The following CAB39L variants were observed in gnomAD, a reference collection of about 807,000 sequenced individuals.
CAB39L encodes the protein calcium-binding protein 39-like.
CAB39L carries 23 observed loss-of-function variants against 39.1 expected under a neutral mutation model. The observed-to-expected ratio is 0.59, with a 90% CI of 0.42 to 0.83. The LOEUF (loss-of-function observed/expected upper bound fraction) is 0.83, where lower values mean the gene tolerates loss of function less well. Ranked by LOEUF, CAB39L falls within the 40% of genes least tolerant of loss-of-function variation. CAB39L has a pLI of 0.00. For synonymous variants in CAB39L, 126 were observed against 137.2 expected (o/e 0.92, Z 0.57); for missense variants, 366 against 391.9 (o/e 0.93, Z 0.56).
chr13:49,417,230 A>G (rs1957100282), intron 3 of CAB39L, among the ~76,000 whole-genome samples: 1 of 152,326 alleles, frequency 6.6e-6, no homozygotes, highest in South Asian at 2.1e-4. Context: ...ATACCACAAA[A>G]TTTCATTATT....
rs376586888 is a variant in CAB39L, at chr13:49,377,130, G to A, written c.113C>T (p.Ala38Val). The change falls in exon 5 of 11, where the codon GCT becomes GTT. Residue 38 changes from alanine (A) to valine (V), a missense_variant and splice_region_variant. By Grantham distance (64) the Ala-to-Val change is moderately conservative (BLOSUM62 0). Coordinates refer to ENST00000409308, the MANE Select transcript of CAB39L (RefSeq NM_001079670.3). ...LEKQDKKTDKASEEVSKSLQA... is the reference protein window; with the variant it reads ...LEKQDKKTDKVSEEVSKSLQA... ...CAGTGATTTAGACACTTCTTCTGAAGCCTAGTGACCAAAACGTATGCTAAC... is the reference window on the plus strand; with the variant it reads ...CAGTGATTTAGACACTTCTTCTGAAACCTAGTGACCAAAACGTATGCTAAC... 6.2e-7 allele frequency: 1 copy of A among 1,612,604 alleles called. No individual in the cohort carries two copies.
chr13:49,313,910 T>C (rs1413708650), intron 10 of CAB39L, among the ~76,000 whole-genome samples: 1 of 151,938 alleles, frequency 6.6e-6, no homozygotes, highest in Non-Finnish European at 1.5e-5. Flanking sequence ...CCCTAGCAAG[T>C]GTGGGGAAGG....
At chr13:49,442,815 A>AAAAAAAAAAAAAAAAAAAAAC (rs1957561090) in intron 1 of CAB39L, among the ~76,000 whole-genome samples, 1 of 148,934 alleles carries the variant, frequency 6.7e-6, no homozygotes, top group African/African-American at 2.5e-5. Flanking sequence ...AAAAAAAAAA[A>AAAAAAAAAAAAAAAAAAAAAC]AAAACATCAA....
In CAB39L at chr13:49,321,196, T is replaced by C. The variant is rs1954328609; in HGVS notation, c.835-10203A>G. Among the ~76,000 whole-genome samples, 3 of 152,238 alleles carry C rather than the reference T, an allele frequency of 2.0e-5. 1 individual carries two copies. The South Asian group carries it at 6.2e-4, about 32-fold the overall frequency. ...AGATAACCCCTGTGAATATCTGGTG[T>C]ATGTATGTGCAGCATTTTTTTCTTG... is the stretch of plus-strand genomic sequence containing the variant. On this transcript the variant is annotated intron_variant, in intron 10 of 10. Transcript: ENST00000409308.
At chr13:49,433,512 C>T (rs916387262) in intron 2 of CAB39L, 119 bp from the exon 3 acceptor site, 4 of 369,122 alleles carry the variant, frequency 1.1e-5, no homozygotes, top group African/African-American at 2.1e-5. Context: ...TAATCAAATA[C>T]TAATACATCA....
At chr13:49,407,366 G>A (rs907666430) in intron 3 of CAB39L, among the ~76,000 whole-genome samples, 2 of 151,998 alleles carry the variant, frequency 1.3e-5, no homozygotes, top group African/African-American at 4.8e-5. Context: ...AATCCATCTT[G>A]GCATACTCGT....
chr13:49,371,266 C>A (rs527500710), intron 5 of CAB39L, among the ~76,000 whole-genome samples: 1 of 147,776 alleles, frequency 6.8e-6, no homozygotes, highest in East Asian at 2.0e-4. Context: ...TGGCTCACTG[C>A]AACCTCCTCC....
chr13:49,408,846 A>C (rs1218246511), intron 3 of CAB39L, among the ~76,000 whole-genome samples: 2 of 152,114 alleles, frequency 1.3e-5, no homozygotes, highest in Non-Finnish European at 2.9e-5. Context: ...CCCCAAAAAA[A>C]GGCAACTAAA....
intron 10 of CAB39L, among the ~76,000 whole-genome samples, chr13:49,326,705 G>A: frequency 6.6e-6 from 1 of 152,146 alleles, no homozygotes; most frequent in Non-Finnish European, 1.5e-5. Context: ...GTACGGGGCA[G>A]GCCAAGTTAC....
intron 6 of CAB39L, 104 bp from the exon 7 acceptor site, chr13:49,351,016 C>A: frequency 1.3e-6 from 1 of 778,716 alleles, no homozygotes. Context: ...TGGAAGCATA[C>A]ATACCATTTG....
chr13:49,355,769 A>T (rs1326557610), intron 6 of CAB39L, among the ~76,000 whole-genome samples: 1 of 151,818 alleles, frequency 6.6e-6, no homozygotes, highest in African/African-American at 2.4e-5. Context: ...ATATAAATAT[A>T]TATATATATT....
intron 3 of CAB39L, among the ~76,000 whole-genome samples, chr13:49,432,379 T>C (rs2138735220): frequency 6.6e-6 from 1 of 152,304 alleles, no homozygotes; most frequent in East Asian, 1.9e-4. Context: ...CAAGCGATCC[T>C]CTTGCCTCAG....
At chr13:49,373,377 T>TC (rs1955973512) in intron 5 of CAB39L, among the ~76,000 whole-genome samples, 1 of 152,222 alleles carries the variant, frequency 6.6e-6, no homozygotes, top group South Asian at 2.1e-4. Flanking sequence ...TCACTTTTTT[T>TC]CTCTGTAAGG....
intron 1 of CAB39L, among the ~76,000 whole-genome samples, chr13:49,442,787 C>CAAAAAAAAAAAAAAAAAAAAAAAAAAAA: frequency 9.6e-6 from 1 of 103,690 alleles, no homozygotes; most frequent in Non-Finnish European, 1.8e-5. Context: ...GACTCCATCT[C>CAAAAAAAAAAAAAAAAAAAAAAAAAAAA]AAAAAAAAAA....
Position 49,380,736 on chromosome 13 carries a change from TTGTC to T in CAB39L, c.111+2060_111+2063del, listed in dbSNP as rs541103584. Among the ~76,000 whole-genome samples, 145 of 152,286 alleles carry T rather than the reference TTGTC, an allele frequency of 9.5e-4. 1 individual carries two copies. The highest frequency in any genetic ancestry group is 3.9e-4 in the East Asian group (2 of 5,192). ...AGAGCAGATTAATTTAGTTAACAAT[TTGTC>T]TGAATATTTTAAAGAAATATACTTT... On this transcript the variant is annotated intron_variant, in intron 4 of 10. Coordinates refer to ENST00000409308, the MANE Select transcript of CAB39L (RefSeq NM_001079670.3).
intron 3 of CAB39L, among the ~76,000 whole-genome samples, chr13:49,397,453 T>C (rs1956666424): frequency 6.6e-6 from 1 of 152,130 alleles, no homozygotes; most frequent in African/African-American, 2.4e-5. Flanking sequence ...AAAACTCTTT[T>C]ATAAGAGAAA....
Sources: gnomAD v4.1 joint callset for allele counts (sites outside exome capture counted in the v4.1 genomes callset) on GRCh38, gnomAD v4.1.1 for gene constraint, MANE v1.5 for transcripts, NCBI Gene and HGNC (gene_info 2026-07-23, HGNC 2026-07-21) for gene names.